The following SNF8 variants were observed in gnomAD, a reference collection of about 807,000 sequenced individuals.
SNF8 encodes SNF8 subunit of ESCRT-II, also known as vacuolar-sorting protein SNF8.
A neutral mutation model predicts 36.8 loss-of-function variants in SNF8; 19 were observed. That is an observed-to-expected ratio of 0.52 (90% CI 0.36 to 0.76). The LOEUF is 0.76. SNF8 is among the 30% of genes least tolerant of loss of function. The pLI, the probability that SNF8 is intolerant of heterozygous loss-of-function variation, is 0.00. For synonymous variants in SNF8, 127 were observed against 127.4 expected, an observed-to-expected ratio of 1.00 and a Z score of 0.02; for missense variants, 268 against 322.9, an observed-to-expected ratio of 0.83 and a Z score of 1.30.
intron 7 of SNF8, 59 bp from the exon 8 acceptor site, chr17:48,930,671 TA>T (rs2040845456): frequency 2.6e-6 from 4 of 1,548,874 alleles, no homozygotes; most frequent in Non-Finnish European, 3.5e-6. Flanking sequence ...AGACAAAGGG[TA>T]GGTAAGCAAC....
At position 48,930,522 on chromosome 17, in the gene SNF8, A is replaced by C. The variant is rs1331718150; in HGVS notation, c.730T>G (p.Tyr244Asp). Residue 244 changes from tyrosine to aspartate, a missense_variant, in exon 8 of 8, where the codon TAC becomes GAC. Coordinates refer to ENST00000502492, the MANE Select transcript of SNF8 (RefSeq NM_007241.4). ...TCCTCAGCTGTAATCTCCTGGGAGT[A>C]GAGGTCAGTGAAGAGAGCTGGCAGC... ...YWLPALFTDL[Y>D]SQEITAEEAR... 1.2e-6 allele frequency: 2 copies of C among 1,612,484 alleles called. No homozygotes were observed. Among genetic ancestry groups the C allele is most frequent in the South Asian group, 2.2e-5 (2 of 90,854 alleles).
chr17:48,940,606 T>C (rs928531543), intron 3 of SNF8, among the ~76,000 whole-genome samples: 4 of 152,016 alleles, frequency 2.6e-5, no homozygotes, highest in African/African-American at 7.2e-5. Context: ...CTGGCTAACA[T>C]GGTGAAACCC....
chr17:48,931,165 A>G (rs117639879), intron 7 of SNF8, among the ~76,000 whole-genome samples: 1,816 of 152,328 alleles, frequency 0.012, 16 homozygotes, highest in Middle Eastern at 0.044. Context: ...GAAAAAAGGT[A>G]CTGAAGCCGG....
At chr17:48,942,847 CT>C (rs71144543) in intron 2 of SNF8, among the ~76,000 whole-genome samples, 1,516 of 85,816 alleles carry the variant, frequency 0.018, 8 homozygotes, top group African/African-American at 0.054. Flanking sequence ...CGCACCCGGC[CT>C]TTTTTTTTTT....
At chr17:48,943,644 A>G (rs1288783868) in intron 2 of SNF8, among the ~76,000 whole-genome samples, 1 of 151,966 alleles carries the variant, frequency 6.6e-6, no homozygotes, top group East Asian at 1.9e-4. Flanking sequence ...CCTCAGAATA[A>G]TAGGGTTCCT....
intron 3 of SNF8, among the ~76,000 whole-genome samples, chr17:48,937,929 A>AAAAT (rs1265041729): frequency 9.5e-6 from 1 of 104,950 alleles, no homozygotes; most frequent in Non-Finnish European, 2.0e-5. Flanking sequence ...CGTTTCAAAA[A>AAAAT]AAATAAATAA....
chr17:48,943,263 A>G (rs767128243), intron 2 of SNF8, among the ~76,000 whole-genome samples: 500 of 149,210 alleles, frequency 3.4e-3, no homozygotes, highest in Non-Finnish European at 5.7e-3. Context: ...TGAGGCCAGG[A>G]GTTTGAGACC....
Position 48,930,292 on chromosome 17 carries a change from G to T in SNF8, c.*183C>A. 1 of 584,348 alleles carries T rather than the reference G, an allele frequency of 1.7e-6. No individual in the cohort carries two copies. Among genetic ancestry groups the T allele is most frequent in the Non-Finnish European group, 2.9e-6 (1 of 348,582 alleles). The allele number at this position is 584,348 out of a possible 1,614,324, so 36.2% of individuals were successfully genotyped here. A position where few individuals can be genotyped will look rare whatever the true frequency, so the allele number is the denominator to read the frequency against. ...CTGTGTTAATCAGATTATGCTTACT[G>T]AACGAGCGAGGTTTTCCTCCAATAA... On this transcript the variant is annotated 3_prime_UTR_variant, in exon 8 of 8. Coordinates refer to ENST00000502492, the MANE Select transcript of SNF8 (RefSeq NM_007241.4).
rs1013324955 is a variant in SNF8, at chr17:48,944,837, A to T, written c.-103T>A. On this transcript the variant is annotated 5_prime_UTR_variant, in exon 1 of 8. The change abolishes an upstream ATG in the 5' untranslated region. Transcript: ENST00000502492. ...AAGGCGGAAGCCCGAGCCGCGCGTC[A>T]TCTGCACGCGCCGGAAGCCACGAGC... 6 of 1,391,880 alleles carry T rather than the reference A, an allele frequency of 4.3e-6. No individual in the cohort carries two copies. Among genetic ancestry groups the T allele is most frequent in the Non-Finnish European group, 4.6e-6 (5 of 1,084,006 alleles). 86.2% of individuals were successfully genotyped at this position (1,391,880 alleles called of 1,614,324 possible).
At chr17:48,939,155 A>G (rs1439350135) in intron 3 of SNF8, among the ~76,000 whole-genome samples, 1 of 151,184 alleles carries the variant, frequency 6.6e-6, no homozygotes, top group Non-Finnish European at 1.5e-5. Context: ...CTAGCTACTC[A>G]GGAGGCTGAG....
intron 3 of SNF8, among the ~76,000 whole-genome samples, chr17:48,937,882 C>T (rs190215083): frequency 4.7e-4 from 72 of 151,860 alleles, no homozygotes; most frequent in African/African-American, 1.6e-3. Context: ...GCCGGGATTA[C>T]GCCACTGCAC....
chr17:48,939,402 C>T (rs1245736461), intron 3 of SNF8, among the ~76,000 whole-genome samples: 1 of 151,738 alleles, frequency 6.6e-6, no homozygotes, highest in Admixed American at 6.6e-5. Flanking sequence ...TGCACCAATG[C>T]ACTCCAGCCT....
chr17:48,944,128 C>T (rs949753570), intron 1 of SNF8, 153 bp from the exon 2 acceptor site: 1 of 629,958 alleles, frequency 1.6e-6, no homozygotes, highest in African/African-American at 1.8e-5. Context: ...CAGTGAAACC[C>T]CGTCTCTACT....
chr17:48,931,083 T>C (rs565251799), intron 7 of SNF8, among the ~76,000 whole-genome samples: 1 of 152,268 alleles, frequency 6.6e-6, no homozygotes. Flanking sequence ...CTGTCCAATA[T>C]CATTAGGTAA....
At chr17:48,933,449 C>G (rs1598084837) in intron 5 of SNF8, 103 bp from the exon 6 acceptor site, 2 of 1,317,316 alleles carry the variant, frequency 1.5e-6, no homozygotes, top group East Asian at 2.3e-5. Flanking sequence ...ATTTAGAAGA[C>G]TGCACAACTG....
rs577782953 is a variant in SNF8 at position 48,940,729 on chromosome 17, G to A, written c.244+195C>T. Among the ~76,000 whole-genome samples, 306 of 152,252 alleles carry A rather than the reference G, an allele frequency of 2.0e-3. 1 individual carries two copies. The highest frequency in any genetic ancestry group is 7.1e-3 in the African/African-American group (296 of 41,548). ...GGCGTGAACCCGGGAGGCAGAGCTT[G>A]CAGTGAGCCAAGATTGTGCCACTGC... On this transcript the variant is annotated intron_variant, in intron 3 of 7. Transcript: ENST00000502492.
chr17:48,936,997 T>G (rs1555583400), intron 4 of SNF8, 23 bp downstream of exon 4: 1 of 1,552,068 alleles, frequency 6.4e-7, no homozygotes, highest in Non-Finnish European at 8.9e-7. Flanking sequence ...AGAGTCCAGT[T>G]CACAGGACCT....
At position 48,930,462 on chromosome 17, in the gene SNF8, C is replaced by T; in HGVS notation, c.*13G>A. On this transcript the variant is annotated 3_prime_UTR_variant, in exon 8 of 8. Coordinates refer to ENST00000502492, the MANE Select transcript of SNF8 (RefSeq NM_007241.4). ...TCCTCCCTGCCTGCTGCTGTGTGCC[C>T]TTCCACATGCAGTCAGGGGAGGGCT... The T allele has an allele frequency of 6.3e-7, 1 of 1,582,496 alleles. No homozygotes were observed.
At chr17:48,940,804 C>T (rs964255443) in intron 3 of SNF8, 120 bp downstream of exon 3, 2 of 1,179,732 alleles carry the variant, frequency 1.7e-6, no homozygotes, top group Admixed American at 4.2e-5. Context: ...AGACAGCATC[C>T]TCTGGGTCTT....
Sources: gnomAD v4.1 joint callset for allele counts (sites outside exome capture counted in the v4.1 genomes callset) on GRCh38, gnomAD v4.1.1 for gene constraint, MANE v1.5 for transcripts, NCBI Gene and HGNC (gene_info 2026-07-23, HGNC 2026-07-21) for gene names.